Variants in TMEM131L observed in about 807,000 individuals in gnomAD.
TMEM131L encodes the protein transmembrane 131 like.
A neutral mutation model predicts 192.2 loss-of-function variants in TMEM131L; 54 were observed. The observed-to-expected ratio is 0.28, with a 90% CI of 0.23 to 0.35. The LOEUF (loss-of-function observed/expected upper bound fraction) is 0.35, where lower values mean the gene tolerates loss of function less well. Ranked by LOEUF, TMEM131L falls within the 10% of genes least tolerant of loss-of-function variation. The pLI, the probability that TMEM131L is intolerant of heterozygous loss-of-function variation, is 1.00. For synonymous variants in TMEM131L, 701 were observed against 704.9 expected (o/e 0.99, Z 0.09); for missense variants, 1,888 against 1,972.9 (o/e 0.96, Z 0.82).
intron 3 of TMEM131L, among the ~76,000 whole-genome samples, chr4:153,543,064 C>T (rs550990234): frequency 2.5e-4 from 38 of 152,234 alleles, no homozygotes; most frequent in Non-Finnish European, 5.0e-4. Flanking sequence ...CTCTTGGTAT[C>T]GCTCCAAGGA....
intron 3 of TMEM131L, among the ~76,000 whole-genome samples, chr4:153,506,465 A>G (rs1362966764): frequency 6.6e-6 from 1 of 152,206 alleles, no homozygotes; most frequent in Non-Finnish European, 1.5e-5. Context: ...GACTCAGGGA[A>G]TTCTGTACTT....
chr4:153,612,308 A>G lies in TMEM131L; in HGVS notation c.3475A>G (p.Lys1159Glu), dbSNP rs1413839918. Reference sequence around the variant, plus strand: ...AGTAGATCATTGTGAAAATTTGAAGAAGGTGGACACAAAGCCTTCTTCAGA... The same window carrying G: ...AGTAGATCATTGTGAAAATTTGAAGGAGGTGGACACAAAGCCTTCTTCAGA... ...NEVDHCENLK[K>E]VDTKPSSEKK... The change falls in exon 26 of 35, where the codon AAG becomes GAG. Residue 1159 changes from lysine to glutamate, a missense_variant. Lys to Glu is a moderately conservative substitution (Grantham distance 56). Coordinates refer to ENST00000409959, the MANE Select transcript of TMEM131L (RefSeq NM_001131007.2). 6.3e-7 allele frequency: 1 copy of G among 1,593,312 alleles called. No homozygotes were observed. Among genetic ancestry groups the G allele is most frequent in the Non-Finnish European group, 8.5e-7 (1 of 1,173,184 alleles).
At chr4:153,500,799 TCA>T (rs1188602083) in intron 3 of TMEM131L, among the ~76,000 whole-genome samples, 1 of 152,188 alleles carries the variant, frequency 6.6e-6, no homozygotes, top group Non-Finnish European at 1.5e-5. Context: ...ACACACACGC[TCA>T]CACACGCGTG....
Position 153,627,757 on chromosome 4 carries a change from G to A in TMEM131L, c.4207+70G>A. On this transcript the variant is annotated intron_variant, in intron 31 of 34. Coordinates refer to ENST00000409959, the MANE Select transcript of TMEM131L (RefSeq NM_001131007.2). ...TGCTGTCTGTATTCCTGGCTGATGAGTTTGAGAAGACAGAGCAGGCGGGGT... is the reference window on the plus strand; with the variant it reads ...TGCTGTCTGTATTCCTGGCTGATGAATTTGAGAAGACAGAGCAGGCGGGGT... 3.7e-6 allele frequency: 5 copies of A among 1,340,506 alleles called. No homozygotes were observed. The South Asian group carries it at 6.0e-5, about 16-fold the overall frequency. 83.0% of individuals were successfully genotyped at this position (1,340,506 alleles called of 1,614,324 possible). A position where few individuals can be genotyped will look rare whatever the true frequency, so the allele number is the denominator to read the frequency against.
chr4:153,507,332 G>C (rs1021593641), intron 3 of TMEM131L, among the ~76,000 whole-genome samples: 1 of 152,226 alleles, frequency 6.6e-6, no homozygotes, highest in African/African-American at 2.4e-5. Context: ...CTAACTGCTA[G>C]AGGCTGTCTC....
chr4:153,592,336 G>A (rs1731128383), intron 17 of TMEM131L, 139 bp from the exon 18 acceptor site: 1 of 630,122 alleles, frequency 1.6e-6, no homozygotes, highest in Admixed American at 2.6e-5. Context: ...AAGCGTGCTG[G>A]CCATTTATTT....
At chr4:153,607,653 G>A (rs147113550) in intron 25 of TMEM131L, among the ~76,000 whole-genome samples, 1 of 152,316 alleles carries the variant, frequency 6.6e-6, no homozygotes, top group Admixed American at 6.5e-5. Context: ...AATACCTTAA[G>A]TGATTTTCCT....
At chr4:153,585,173 A>G (rs1402836954) in intron 12 of TMEM131L, among the ~76,000 whole-genome samples, 7 of 152,214 alleles carry the variant, frequency 4.6e-5, no homozygotes, top group Non-Finnish European at 1.0e-4. Flanking sequence ...GTGTGAAAAG[A>G]GTACATATTC....
At chr4:153,518,154 T>G (rs972082883) in intron 3 of TMEM131L, among the ~76,000 whole-genome samples, 8 of 152,188 alleles carry the variant, frequency 5.3e-5, no homozygotes, top group African/African-American at 1.9e-4. Context: ...GGTTCCTGTT[T>G]AGAATTGAGG....
At chr4:153,469,355 G>A (rs1008596629) in intron 2 of TMEM131L, among the ~76,000 whole-genome samples, 1 of 143,106 alleles carries the variant, frequency 7.0e-6, no homozygotes, top group Non-Finnish European at 1.5e-5. Context: ...GTATGTGTGT[G>A]TATATATATC....
chr4:153,620,604 A>G (rs1342163229), intron 26 of TMEM131L, 152 bp from the exon 27 acceptor site: 1 of 392,598 alleles, frequency 2.5e-6, no homozygotes. Context: ...AAGAGGGGAA[A>G]TGAAAACAAA....
At chr4:153,516,445 G>A (rs1734738718) in intron 3 of TMEM131L, among the ~76,000 whole-genome samples, 3 of 152,158 alleles carry the variant, frequency 2.0e-5, no homozygotes, top group Non-Finnish European at 2.9e-5. Context: ...ACCCAGGCTC[G>A]TCTTGAAATC....
At chr4:153,632,958 CT>C (rs759303563) in intron 32 of TMEM131L, 120 bp downstream of exon 32, 72 of 1,158,848 alleles carry the variant, frequency 6.2e-5, no homozygotes, top group Non-Finnish European at 7.3e-5. Flanking sequence ...CCTTGGTGTA[CT>C]TTAGCTGTGC....
chr4:153,506,590 C>T (rs1417841050), intron 3 of TMEM131L, among the ~76,000 whole-genome samples: 1 of 152,038 alleles, frequency 6.6e-6, no homozygotes, highest in East Asian at 1.9e-4. Flanking sequence ...TGCCTGTAAT[C>T]CCAGCGCTTT....
chr4:153,536,548 A>T (rs1049161593), intron 3 of TMEM131L, among the ~76,000 whole-genome samples: 3 of 151,440 alleles, frequency 2.0e-5, no homozygotes, highest in African/African-American at 7.4e-5. Context: ...AATAAAAGAA[A>T]TCCTGAAACA....
chr4:153,513,839 A>G (rs1734526510), intron 3 of TMEM131L, among the ~76,000 whole-genome samples: 1 of 152,194 alleles, frequency 6.6e-6, no homozygotes, highest in Non-Finnish European at 1.5e-5. Context: ...TTATCATGCT[A>G]CAATTTTGTC....
intron 4 of TMEM131L, among the ~76,000 whole-genome samples, chr4:153,552,066 C>T (rs563086466): frequency 3.3e-5 from 5 of 151,954 alleles, no homozygotes; most frequent in South Asian, 4.2e-4. Context: ...AAAAATTAGC[C>T]GGACATGGTG....
At chr4:153,473,011 G>A (rs1731263484) in intron 2 of TMEM131L, among the ~76,000 whole-genome samples, 1 of 152,224 alleles carries the variant, frequency 6.6e-6, no homozygotes, top group South Asian at 2.1e-4. Flanking sequence ...CCAGAGCCTC[G>A]CCTGGTAGAC....
chr4:153,478,717 A>G (rs1278033386), intron 3 of TMEM131L, among the ~76,000 whole-genome samples: 1 of 152,182 alleles, frequency 6.6e-6, no homozygotes, highest in Non-Finnish European at 1.5e-5. Flanking sequence ...GCTCATGGAT[A>G]TTTATACTTT....
Sources: allele counts gnomAD v4.1 joint callset (sites outside exome capture counted in the v4.1 genomes callset), GRCh38; gene constraint gnomAD v4.1.1; transcripts MANE v1.5; gene names NCBI Gene and HGNC (gene_info 2026-07-23, HGNC 2026-07-21).